Variants in SYNPO2 observed in about 807,000 individuals in gnomAD.
SYNPO2 encodes the protein synaptopodin-2.
Under a neutral mutation model 85.0 loss-of-function variants are expected in SYNPO2, and 56 were observed. The observed-to-expected ratio is 0.66, with a 90% CI of 0.53 to 0.82. The LOEUF is 0.82. Ranked by LOEUF, SYNPO2 falls within the 40% of genes least tolerant of loss-of-function variation. The pLI, the probability that SYNPO2 is intolerant of heterozygous loss-of-function variation, is 0.00. For synonymous variants in SYNPO2, 602 were observed against 591.1 expected (o/e 1.02, Z -0.27); for missense variants, 1,575 against 1,534.2 (o/e 1.03, Z -0.44).
intron 1 of SYNPO2, among the ~76,000 whole-genome samples, chr4:119,016,083 CTTTATT>C (rs1267138542): frequency 6.6e-6 from 1 of 152,114 alleles, no homozygotes; most frequent in Non-Finnish European, 1.5e-5. Context: ...TTTTAGTGAA[CTTTATT>C]TTTAACTGTA....
In SYNPO2 at chr4:118,888,880, G is replaced by C; in HGVS notation, c.-157G>C. 3 of 731,016 alleles carry C rather than the reference G, an allele frequency of 4.1e-6. No individual in the cohort carries two copies. The South Asian group carries it at 5.0e-5, about 12-fold the overall frequency. 45.3% of individuals were successfully genotyped at this position (731,016 alleles called of 1,614,324 possible). A position where few individuals can be genotyped will look rare whatever the true frequency, so the allele number is the denominator to read the frequency against. On this transcript the variant is annotated 5_prime_UTR_variant, in exon 1 of 5. Transcript: ENST00000307142. ...CACAAATTCGCAGCAGGCGGCTGGGGCGGCGGCTGGGGCAGCGGCTGCAGC... is the reference window on the plus strand; with the variant it reads ...CACAAATTCGCAGCAGGCGGCTGGGCCGGCGGCTGGGGCAGCGGCTGCAGC...
chr4:118,857,389 A>G (rs529971211), intron 1 of SYNPO2, among the ~76,000 whole-genome samples: 29 of 152,314 alleles, frequency 1.9e-4, no homozygotes, highest in African/African-American at 6.3e-4. Context: ...TGAGGACAGG[A>G]CAAAGGTAAT....
intron 1 of SYNPO2, among the ~76,000 whole-genome samples, chr4:118,998,988 T>C (rs1266191782): frequency 6.6e-6 from 1 of 152,238 alleles, no homozygotes; most frequent in African/African-American, 2.4e-5. Context: ...TTGTTGACCG[T>C]GTGATCTTGG....
At chr4:119,033,271 T>C (rs1178975556) in intron 4 of SYNPO2, 36 of 985,302 alleles carry the variant, frequency 3.7e-5, no homozygotes, top group Non-Finnish European at 4.2e-5. Context: ...CTTTGCTTTT[T>C]GACAACTGCT....
rs556776354 is a variant in SYNPO2 at position 119,058,929 on chromosome 4, A to C, written c.*995A>C. ...GAATGATGTGATGTGTAGAGAATAG[A>C]AAGATTTAGATATATGCCTGTGACA... On this transcript the variant is annotated 3_prime_UTR_variant, in exon 5 of 5. Transcript: ENST00000307142. The C allele has an allele frequency of 2.6e-4, 39 of 152,208 alleles. No individual in the cohort carries two copies. Among genetic ancestry groups the C allele is most frequent in the Non-Finnish European group, 5.1e-4 (35 of 68,034 alleles). 9.4% of individuals were successfully genotyped at this position (152,208 alleles called of 1,614,324 possible).
At chr4:119,036,487 T>C in intron 4 of SYNPO2, 1 of 985,428 alleles carries the variant, frequency 1.0e-6, no homozygotes, top group South Asian at 4.7e-5. Context: ...AATTGAATTC[T>C]TCTCTAGATG....
upstream of SYNPO2, among the ~76,000 whole-genome samples, chr4:118,886,322 G>C (rs1732198143): frequency 6.6e-6 from 1 of 152,104 alleles, no homozygotes; most frequent in Non-Finnish European, 1.5e-5. Context: ...ATGTGCCATG[G>C]TTGTTTGCTG....
chr4:118,944,085 T>C (rs1461292396), intron 1 of SYNPO2, among the ~76,000 whole-genome samples: 1 of 152,122 alleles, frequency 6.6e-6, no homozygotes, highest in Non-Finnish European at 1.5e-5. Context: ...TGGGAATTCC[T>C]AGATTAGGCA....
intron 4 of SYNPO2, among the ~76,000 whole-genome samples, chr4:119,045,910 A>G (rs1228418180): frequency 6.6e-6 from 1 of 152,214 alleles, no homozygotes; most frequent in Non-Finnish European, 1.5e-5. Flanking sequence ...TTGCTGGTAT[A>G]GTAGTTTTTT....
intron 1 of SYNPO2, among the ~76,000 whole-genome samples, chr4:118,945,574 G>T (rs541526340): frequency 2.6e-5 from 4 of 152,260 alleles, no homozygotes; most frequent in African/African-American, 9.6e-5. Flanking sequence ...AAAGCAAGAT[G>T]ATTTGTCCAG....
chr4:119,040,288 C>T (rs1304585385), intron 4 of SYNPO2, among the ~76,000 whole-genome samples: 5 of 152,186 alleles, frequency 3.3e-5, no homozygotes, highest in Non-Finnish European at 5.9e-5. Flanking sequence ...TTGAGACCCA[C>T]AACTAAAATA....
chr4:119,035,568 T>C (rs998601734), intron 4 of SYNPO2: 11 of 985,282 alleles, frequency 1.1e-5, no homozygotes, highest in Non-Finnish European at 1.3e-5. Flanking sequence ...AAAATATATT[T>C]AGTATGATTG....
At chr4:118,970,474 TC>T (rs768306838) in intron 1 of SYNPO2, among the ~76,000 whole-genome samples, 8 of 152,172 alleles carry the variant, frequency 5.3e-5, no homozygotes, top group Non-Finnish European at 1.2e-4. Context: ...TAAGTTTGTA[TC>T]CCTCCAATTT....
chr4:119,030,863 G>A lies in SYNPO2; in HGVS notation c.2088G>A (p.Met696Ile). Residue 696 changes from methionine to isoleucine, a missense_variant, in exon 4 of 5, where the codon ATG (methionine) becomes ATA (isoleucine). Met to Ile is a conservative substitution (Grantham distance 10, BLOSUM62 1). Coordinates refer to ENST00000307142, the MANE Select transcript of SYNPO2 (RefSeq NM_133477.3). ...AAAGGAGAAGCACGACAAAACCCATGTTTACTTTTAAAGAGCCCAAAGTAA... is the reference window on the plus strand; with the variant it reads ...AAAGGAGAAGCACGACAAAACCCATATTTACTTTTAAAGAGCCCAAAGTAA... ...EAKRRSTTKP[M>I]FTFKEPKVSP... 1 of 1,614,154 alleles carries A rather than the reference G, an allele frequency of 6.2e-7. No individual in the cohort carries two copies. The highest frequency in any genetic ancestry group is 8.5e-7 in the Non-Finnish European group (1 of 1,180,024).
chr4:118,891,704 A>G (rs774544356), intron 1 of SYNPO2, among the ~76,000 whole-genome samples: 25 of 152,202 alleles, frequency 1.6e-4, no homozygotes, highest in Admixed American at 8.5e-4. Flanking sequence ...TCTTCTTGTA[A>G]GGACTGGTGA....
At position 119,059,317 on chromosome 4, in the gene SYNPO2, TCA is replaced by T. The variant is rs1194529105; in HGVS notation, c.*1384_*1385del. ...GCAATCGTAGGTCATGATAATTTAT[TCA>T]GTTATAGAAAACATGCCACAGAAGC... On this transcript the variant is annotated 3_prime_UTR_variant, in exon 5 of 5. Transcript: ENST00000307142. 6 of 152,170 alleles carry T rather than the reference TCA, an allele frequency of 3.9e-5. No individual in the cohort carries two copies. The highest frequency in any genetic ancestry group is 7.4e-5 in the Non-Finnish European group (5 of 68,024). The allele number at this position is 152,170 out of a possible 1,614,324, so 9.4% of individuals were successfully genotyped here. A position where few individuals can be genotyped will look rare whatever the true frequency, so the allele number is the denominator to read the frequency against.
At chr4:118,894,489 G>A (rs1732483228) in intron 1 of SYNPO2, among the ~76,000 whole-genome samples, 1 of 151,854 alleles carries the variant, frequency 6.6e-6, no homozygotes, top group Non-Finnish European at 1.5e-5. Context: ...TTCTCCATCC[G>A]TGGACTTGCT....
At position 119,033,778 on chromosome 4, in the gene SYNPO2, A is replaced by C. The variant is rs938316451; in HGVS notation, c.3252+1751A>C. The C allele has an allele frequency of 5.1e-6, 5 of 984,596 alleles. No homozygotes were observed. The African/African-American group carries it at 8.7e-5, about 17-fold the overall frequency. 61.0% of individuals were successfully genotyped at this position (984,596 alleles called of 1,614,324 possible). A position where few individuals can be genotyped will look rare whatever the true frequency, so the allele number is the denominator to read the frequency against. On this transcript the variant is annotated intron_variant, in intron 4 of 4. Coordinates refer to ENST00000307142, the MANE Select transcript of SYNPO2 (RefSeq NM_133477.3). ...TAAAAAAATCTTCCTTGTATGAGCT[A>C]TTCTGATCTAAATAATTTCTCTGAT... is the stretch of plus-strand genomic sequence containing the variant.
chr4:119,035,630 A>G, intron 4 of SYNPO2: 1 of 985,346 alleles, frequency 1.0e-6, no homozygotes, highest in South Asian at 4.7e-5. Context: ...TTTAATTTTC[A>G]CAAGAAGCAC....
Sources: allele counts gnomAD v4.1 joint callset (sites outside exome capture counted in the v4.1 genomes callset), GRCh38; gene constraint gnomAD v4.1.1; transcripts MANE v1.5; gene names NCBI Gene and HGNC (gene_info 2026-07-23, HGNC 2026-07-21).